TBC1D30: variants seen among roughly 807,000 people sequenced by gnomAD.
TBC1D30 encodes TBC1 domain family, member 30.
Under a neutral mutation model 63.2 loss-of-function variants are expected in TBC1D30, and 31 were observed. That is an observed-to-expected ratio of 0.49 (90% CI 0.37 to 0.66). TBC1D30 has a LOEUF of 0.66. TBC1D30 is among the 30% of genes least tolerant of loss of function. TBC1D30 has a pLI of 0.00. For missense variants in TBC1D30, 810 were observed against 953.6 expected (o/e 0.85, Z 1.98); for synonymous variants, 307 against 361.5 (o/e 0.85, Z 1.71).
chr12:64,853,010 G>A (rs1877006116), intron 8 of TBC1D30, among the ~76,000 whole-genome samples: 1 of 152,196 alleles, frequency 6.6e-6, no homozygotes, highest in South Asian at 2.1e-4. Flanking sequence ...GGTAGAGCTC[G>A]AGCACTGTGC....
At chr12:64,822,246 T>C (rs139077051), upstream of TBC1D30, among the ~76,000 whole-genome samples, 7 of 150,718 alleles carry the variant, frequency 4.6e-5, no homozygotes, top group East Asian at 1.4e-3. Flanking sequence ...CAGTGGCCAA[T>C]CATAGCTCAC....
intron 1 of TBC1D30, among the ~76,000 whole-genome samples, chr12:64,774,499 C>T (rs1871007368): frequency 6.6e-6 from 1 of 152,010 alleles, no homozygotes; most frequent in Non-Finnish European, 1.5e-5. Flanking sequence ...AACACATTCC[C>T]TAAGGTCAAA....
chr12:64,804,497 T>C (rs543833806), intron 2 of TBC1D30, among the ~76,000 whole-genome samples: 25 of 152,332 alleles, frequency 1.6e-4, no homozygotes, highest in African/African-American at 5.3e-4. Context: ...TCCTGCCTGA[T>C]TGCCCTGGCC....
chr12:64,825,935 A>G (rs1024578139), intron 1 of TBC1D30, among the ~76,000 whole-genome samples: 1 of 152,146 alleles, frequency 6.6e-6, no homozygotes, highest in African/African-American at 2.4e-5. Flanking sequence ...GAGCCGCAGG[A>G]GAATCGAGCT....
intron 2 of TBC1D30, among the ~76,000 whole-genome samples, chr12:64,786,897 C>T (rs1010366438): frequency 2.0e-5 from 3 of 151,554 alleles, no homozygotes; most frequent in East Asian, 2.0e-4. Context: ...GAACCGAGAT[C>T]GCACCATTGC....
At chr12:64,840,039 A>G (rs1875734677) in intron 7 of TBC1D30, among the ~76,000 whole-genome samples, 1 of 149,366 alleles carries the variant, frequency 6.7e-6, no homozygotes, top group Non-Finnish European at 1.5e-5. Context: ...TCCACCAACT[A>G]TCAATTCAGG....
chr12:64,781,256 C>T, exon 1 of TBC1D30: 1 of 1,155,218 alleles, frequency 8.7e-7, no homozygotes, highest in South Asian at 1.6e-5. Flanking sequence ...ACCGAGCCAG[C>T]GGCATCAGAT....
chr12:64,763,194 G>A (rs544261242), intron 1 of TBC1D30, among the ~76,000 whole-genome samples: 10 of 152,132 alleles, frequency 6.6e-5, no homozygotes, highest in Non-Finnish European at 1.5e-4. Flanking sequence ...GACTTCAGGT[G>A]ATCTACCCGC....
Position 64,880,351 on chromosome 12 carries a change from A to C in TBC1D30, c.*4563A>C, listed in dbSNP as rs563958891. The C allele has an allele frequency of 6.6e-6, 1 of 152,250 alleles. No homozygotes were observed. Among genetic ancestry groups the C allele is most frequent in the Non-Finnish European group, 1.5e-5 (1 of 68,054 alleles). The allele number at this position is 152,250 out of a possible 1,614,324, so 9.4% of individuals were successfully genotyped here. ...TCAGTTCAGGCTGCTGTAACAAAGT[A>C]CCATAGACTGAGGTGGCTTAAACAC... On this transcript the variant is annotated 3_prime_UTR_variant, in exon 12 of 12. Transcript: ENST00000539867.
chr12:64,809,423 A>C (rs1012747355), intron 2 of TBC1D30, among the ~76,000 whole-genome samples: 4 of 152,186 alleles, frequency 2.6e-5, no homozygotes, highest in Admixed American at 1.3e-4. Context: ...TGCAAATGCC[A>C]TTATTTCATT....
intron 2 of TBC1D30, among the ~76,000 whole-genome samples, chr12:64,787,555 A>G (rs1462062042): frequency 6.6e-6 from 1 of 152,122 alleles, no homozygotes; most frequent in East Asian, 1.9e-4. Flanking sequence ...GTTTGCTTTC[A>G]TGAAACAATT....
chr12:64,762,253 G>A lies in TBC1D30; in HGVS notation c.-376+2604G>A, dbSNP rs557074468. 9.2e-5 allele frequency among the ~76,000 whole-genome samples: 14 copies of A among 152,322 alleles called. No homozygotes were observed. The South Asian group carries it at 2.5e-3, about 27-fold the overall frequency. ...AAGAAGCCAGTGTGGTTAGAGCAGAGGGAGAGAGGTGGTGAGGACCCAGAT... is the reference window on the plus strand; with the variant it reads ...AAGAAGCCAGTGTGGTTAGAGCAGAAGGAGAGAGGTGGTGAGGACCCAGAT... On this transcript the variant is annotated intron_variant, in intron 1 of 13. Transcript: ENST00000674237.
chr12:64,805,819 T>G (rs1443003803), intron 2 of TBC1D30, among the ~76,000 whole-genome samples: 1 of 151,920 alleles, frequency 6.6e-6, no homozygotes, highest in African/African-American at 2.4e-5. Context: ...GGTGACAGAG[T>G]GAGACTCTGT....
At chr12:64,841,163 A>G (rs572229846) in intron 7 of TBC1D30, among the ~76,000 whole-genome samples, 1 of 152,350 alleles carries the variant, frequency 6.6e-6, no homozygotes, top group African/African-American at 2.4e-5. Context: ...TGGAAAAACC[A>G]TAAAAGCATA....
chr12:64,835,307 T>C (rs1207331207), intron 5 of TBC1D30, among the ~76,000 whole-genome samples: 1 of 152,022 alleles, frequency 6.6e-6, no homozygotes, highest in African/African-American at 2.4e-5. Context: ...TTCAAAACTG[T>C]GACCCTGAAA....
intron 11 of TBC1D30, 41 bp downstream of exon 11, chr12:64,870,849 C>T: frequency 2.0e-6 from 3 of 1,525,330 alleles, no homozygotes; most frequent in Non-Finnish European, 1.8e-6. Flanking sequence ...AGCTCTATCT[C>T]AACTTGTAAA....
chr12:64,808,557 C>G (rs1018343289), intron 2 of TBC1D30, among the ~76,000 whole-genome samples: 11 of 152,108 alleles, frequency 7.2e-5, no homozygotes. Flanking sequence ...TCTGGCTTTT[C>G]TAAGGGTATC....
At chr12:64,767,854 A>G (rs931668468) in intron 1 of TBC1D30, among the ~76,000 whole-genome samples, 3 of 149,658 alleles carry the variant, frequency 2.0e-5, no homozygotes, top group Admixed American at 6.7e-5. Flanking sequence ...TTCAGTAAAG[A>G]TTTTTAGAGG....
Position 64,876,913 on chromosome 12 carries a change from A to C in TBC1D30, c.*1125A>C. ...GGGAACTCTGAGCCACACAGAGGTGAAGTAGCACTTCAGTTACTCAAGGTC... is the reference window on the plus strand; with the variant it reads ...GGGAACTCTGAGCCACACAGAGGTGCAGTAGCACTTCAGTTACTCAAGGTC... On this transcript the variant is annotated 3_prime_UTR_variant, in exon 12 of 12. Coordinates refer to ENST00000539867, the MANE Select transcript of TBC1D30 (RefSeq NM_015279.2). 1 of 456,066 alleles carries C rather than the reference A, an allele frequency of 2.2e-6. No homozygotes were observed. Among genetic ancestry groups the C allele is most frequent in the Non-Finnish European group, 4.4e-6 (1 of 226,804 alleles). The allele number at this position is 456,066 out of a possible 1,614,324, so 28.3% of individuals were successfully genotyped here. A position where few individuals can be genotyped will look rare whatever the true frequency, so the allele number is the denominator to read the frequency against.
Sources: allele counts gnomAD v4.1 joint callset (sites outside exome capture counted in the v4.1 genomes callset), GRCh38; gene constraint gnomAD v4.1.1; transcripts MANE v1.5; gene names NCBI Gene and HGNC (gene_info 2026-07-23, HGNC 2026-07-21).